Variants in CDCA5 observed in about 807,000 individuals in gnomAD.
The protein encoded by CDCA5 is sororin.
Under a neutral mutation model 25.7 loss-of-function variants are expected in CDCA5, and 14 were observed. That is an observed-to-expected ratio of 0.54 (90% CI 0.36 to 0.85). The LOEUF is 0.85. Among genes scored for constraint, CDCA5 ranks in the 40% least tolerant of loss-of-function variants. The pLI is 0.01. For synonymous variants in CDCA5, 127 were observed against 128.7 expected (o/e 0.99, Z 0.09); for missense variants, 307 against 324.5 (o/e 0.95, Z 0.41).
At chr11:65,076,132 T>C (rs1051426703), downstream of CDCA5, among the ~76,000 whole-genome samples, 9 of 152,338 alleles carry the variant, frequency 5.9e-5, no homozygotes, top group East Asian at 1.7e-3. Flanking sequence ...TTTTGTCTTT[T>C]GAAACAGGGT....
intron 3 of CDCA5, chr11:65,067,803 G>A (rs1190862346): frequency 8.7e-7 from 1 of 1,153,892 alleles, no homozygotes; most frequent in South Asian, 1.3e-5. Context: ...AGGGGATGAG[G>A]GAAGTGGGTG....
chr11:65,071,154 G>T (rs935177102), intron 1 of CDCA5, among the ~76,000 whole-genome samples: 16 of 151,648 alleles, frequency 1.1e-4, no homozygotes, highest in Non-Finnish European at 2.2e-4. Flanking sequence ...GTGTTAGCCA[G>T]GATGGTCTCG....
At chr11:65,068,654 C>G (rs1590786139) in intron 1 of CDCA5, 1 of 1,116,886 alleles carries the variant, frequency 9.0e-7, no homozygotes, top group East Asian at 6.0e-5. Context: ...CCCGCTATGC[C>G]ATTTCTAGCC....
chr11:65,066,078 T>C (rs1947230814), downstream of CDCA5, among the ~76,000 whole-genome samples: 1 of 152,044 alleles, frequency 6.6e-6, no homozygotes, highest in African/African-American at 2.4e-5. Flanking sequence ...ACATCGCCCT[T>C]GAGCTCTCAT....
At chr11:65,066,863 T>C in exon 5 of CDCA5, 8 of 1,289,288 alleles carry the variant, frequency 6.2e-6, no homozygotes, top group Non-Finnish European at 8.1e-6. Flanking sequence ...TGGGTGGTGT[T>C]CAGTGACTCC....
At chr11:65,076,994 C>T (rs571628482), downstream of CDCA5, among the ~76,000 whole-genome samples, 35 of 152,206 alleles carry the variant, frequency 2.3e-4, no homozygotes, top group South Asian at 2.7e-3. Flanking sequence ...AAACAAGACA[C>T]GGGGCAGGAC....
At chr11:65,075,751 C>T (rs1208988219), downstream of CDCA5, among the ~76,000 whole-genome samples, 2 of 152,136 alleles carry the variant, frequency 1.3e-5, no homozygotes, top group Non-Finnish European at 2.9e-5. Context: ...ATTTGTAGCT[C>T]AGGACAGTTT....
chr11:65,071,267 A>G (rs1020425289), intron 1 of CDCA5, among the ~76,000 whole-genome samples: 15 of 151,020 alleles, frequency 9.9e-5, no homozygotes, highest in Admixed American at 6.6e-5. Flanking sequence ...CAACCCACAT[A>G]TGCATACCCC....
rs543274139 is a variant in CDCA5, at chr11:65,078,148, C to T, written c.*959G>A. ...TCCGAGGACTTTACAAGCATAGTTGCAAAATGCTAGTAGGTCTGGGACTCT... is the reference window on the plus strand; with the variant it reads ...TCCGAGGACTTTACAAGCATAGTTGTAAAATGCTAGTAGGTCTGGGACTCT... On this transcript the variant is annotated 3_prime_UTR_variant, in exon 6 of 6. Transcript: ENST00000275517. 25 of 985,446 alleles carry T rather than the reference C, an allele frequency of 2.5e-5. No homozygotes were observed. In the African/African-American group the frequency reaches 4.0e-4, roughly 16 times the overall value. The allele number at this position is 985,446 out of a possible 1,614,324, so 61.0% of individuals were successfully genotyped here.
Position 65,079,427 on chromosome 11 carries a change from C to G in CDCA5, c.604G>C (p.Asp202His). Residue 202 changes from aspartate to histidine, a missense_variant, in exon 5 of 6, where the codon GAC becomes CAC. Coordinates refer to ENST00000275517, the MANE Select transcript of CDCA5 (RefSeq NM_080668.4). Reference protein sequence around the residue: ...PRVCAKPWAPDMTLPGISPPP... With the variant: ...PRVCAKPWAPHMTLPGISPPP... ...GGGGAGATTCCAGGGAGAGTCATGT[C>G]TGGGGCCCAGGGCTTTGCACAAACC... The G allele has an allele frequency of 6.2e-7, 1 of 1,614,114 alleles. No homozygotes were observed. Among genetic ancestry groups the G allele is most frequent in the Non-Finnish European group, 8.5e-7 (1 of 1,180,016 alleles).
rs1038328709 is a variant in CDCA5, at chr11:65,078,720, T to C, written c.*387A>G. 26 of 1,014,876 alleles carry C rather than the reference T, an allele frequency of 2.6e-5. No individual in the cohort carries two copies. The African/African-American group carries it at 4.3e-4, about 17-fold the overall frequency. The allele number at this position is 1,014,876 out of a possible 1,614,324, so 62.9% of individuals were successfully genotyped here. ...GAGGCTGGCAGAGCCCCTGGGCCTA[T>C]TTCCAAGCAGCCACCCCTCCCAACA... On this transcript the variant is annotated 3_prime_UTR_variant, in exon 6 of 6. Coordinates refer to ENST00000275517, the MANE Select transcript of CDCA5 (RefSeq NM_080668.4).
Position 65,079,771 on chromosome 11 carries a change from T to C in CDCA5, c.260A>G (p.Glu87Gly). The change falls in exon 5 of 6, where the codon GAG (glutamate) becomes GGG (glycine). Residue 87 changes from glutamate (E) to glycine (G), a missense_variant. Transcript: ENST00000275517. Reference sequence around the variant, plus strand: ...CCTGCCAGGGGGCTCGTTTTCTTTCTCCAAGAAAAAGGAAATCTGCACCAG... The same window carrying C: ...CCTGCCAGGGGGCTCGTTTTCTTTCCCCAAGAAAAAGGAAATCTGCACCAG... ...RRSPRISFFLEKENEPPGREL... is the reference protein window; with the variant it reads ...RRSPRISFFLGKENEPPGREL... 6.8e-7 allele frequency: 1 copy of C among 1,474,860 alleles called. No homozygotes were observed. The highest frequency in any genetic ancestry group is 9.0e-7 in the Non-Finnish European group (1 of 1,111,728). The allele number at this position is 1,474,860 out of a possible 1,614,324, so 91.4% of individuals were successfully genotyped here. A position where few individuals can be genotyped will look rare whatever the true frequency, so the allele number is the denominator to read the frequency against.
In CDCA5 at chr11:65,077,535, G is replaced by A; in HGVS notation, c.*1572C>T. 1 of 985,366 alleles carries A rather than the reference G, an allele frequency of 1.0e-6. No individual in the cohort carries two copies. Among genetic ancestry groups the A allele is most frequent in the African/African-American group, 1.7e-5 (1 of 57,336 alleles). 61.0% of individuals were successfully genotyped at this position (985,366 alleles called of 1,614,324 possible). ...TTTTTTCCTTAAATTTAGTTCCTCA[G>A]GAACAGAGAACTTTGCAATGATGAT... On this transcript the variant is annotated 3_prime_UTR_variant, in exon 6 of 6. Transcript: ENST00000275517.
downstream of CDCA5, among the ~76,000 whole-genome samples, chr11:65,065,424 A>C (rs918224305): frequency 2.6e-5 from 4 of 152,106 alleles, no homozygotes; most frequent in Admixed American, 2.6e-4. Context: ...AGTAGCTGGG[A>C]TTACAGGCAC....
chr11:65,079,496 C>T lies in CDCA5; in HGVS notation c.535G>A (p.Gly179Arg), dbSNP rs34032604. 2,358 of 1,614,132 alleles carry T rather than the reference C, an allele frequency of 1.5e-3. 37 individuals are homozygous for T. The African/African-American group carries it at 0.027, about 18-fold the overall frequency. ...EGLLGAEDLS[G>R]VSPVVCSKLT... ...TTGGAGCACACCACTGGCGAGACTC[C>T]GGACAAGTCTTCTGCCCCCAGCAGC... Residue 179 changes from glycine (G) to arginine (R), a missense_variant, in exon 5 of 6, where the codon GGA becomes AGA. Gly to Arg is a moderately radical substitution (Grantham distance 125). Transcript: ENST00000275517.
downstream of CDCA5, chr11:65,066,204 C>CA (rs1166640096): frequency 2.6e-6 from 1 of 389,170 alleles, no homozygotes; most frequent in African/African-American, 2.1e-5. Context: ...GGGGTGATGT[C>CA]AGAGGGTGGC....
At chr11:65,081,632 G>C (rs765390904) in intron 4 of CDCA5, among the ~76,000 whole-genome samples, 67 of 152,082 alleles carry the variant, frequency 4.4e-4, no homozygotes, top group Non-Finnish European at 6.0e-4. Flanking sequence ...TCTTAGAGGG[G>C]GGAGAGAAAG....
chr11:65,068,923 C>A (rs1947291754), intron 1 of CDCA5, among the ~76,000 whole-genome samples: 1 of 152,188 alleles, frequency 6.6e-6, no homozygotes, highest in Non-Finnish European at 1.5e-5. Flanking sequence ...TTTTATCTGG[C>A]AGTCCTGCCA....
downstream of CDCA5, among the ~76,000 whole-genome samples, chr11:65,064,056 T>C (rs889376510): frequency 3.9e-5 from 6 of 152,152 alleles, no homozygotes; most frequent in Non-Finnish European, 5.9e-5. Flanking sequence ...ATAGACTCCA[T>C]TTCCTGCAGC....
Sources: allele counts gnomAD v4.1 joint callset (sites outside exome capture counted in the v4.1 genomes callset), GRCh38; gene constraint gnomAD v4.1.1; transcripts MANE v1.5; gene names NCBI Gene and HGNC (gene_info 2026-07-23, HGNC 2026-07-21).